The following NAALADL2 variants were observed in gnomAD, a reference collection of about 807,000 sequenced individuals.
The protein encoded by NAALADL2 is N-acetylated alpha-linked acidic dipeptidase like 2.
In NAALADL2, 76 loss-of-function variants were observed where a neutral mutation model predicts 87.2. The ratio of observed to expected loss-of-function variants is 0.87; its 90% CI spans 0.72 to 1.05. The LOEUF (loss-of-function observed/expected upper bound fraction) is 1.05, where lower values mean the gene tolerates loss of function less well. NAALADL2 is among the 50% of genes least tolerant of loss of function. The probability of loss-of-function intolerance (pLI) is 0.00; values close to 1 mark genes in which losing one functional copy is unlikely to be tolerated. For missense variants in NAALADL2, 1,089 were observed against 945.8 expected (o/e 1.15, Z -1.99); for synonymous variants, 354 against 331.0 (o/e 1.07, Z -0.75).
intron 3 of NAALADL2, among the ~76,000 whole-genome samples, chr3:174,762,934 A>G (rs1282241705): frequency 1.3e-5 from 2 of 152,194 alleles, no homozygotes; most frequent in Non-Finnish European, 2.9e-5. Flanking sequence ...ATAATTTACA[A>G]CATAATATGT....
chr3:175,188,873 A>G (rs1737736533), intron 2 of NAALADL2, among the ~76,000 whole-genome samples: 1 of 151,860 alleles, frequency 6.6e-6, no homozygotes, highest in African/African-American at 2.4e-5. Flanking sequence ...AACTGTAGCT[A>G]TGCCCTGATC....
intron 1 of NAALADL2, among the ~76,000 whole-genome samples, chr3:175,083,898 G>A (rs891867952): frequency 6.6e-6 from 1 of 152,074 alleles, no homozygotes; most frequent in Non-Finnish European, 1.5e-5. Context: ...CAGATACAGC[G>A]CTAAGCTTCA....
At chr3:175,648,949 T>A (rs944074768) in intron 11 of NAALADL2, among the ~76,000 whole-genome samples, 2 of 152,156 alleles carry the variant, frequency 1.3e-5, no homozygotes, top group African/African-American at 4.8e-5. Flanking sequence ...AAATAAAAAA[T>A]TAAGTGTTTT....
At chr3:175,681,166 T>G (rs2149881963) in intron 11 of NAALADL2, among the ~76,000 whole-genome samples, 1 of 152,292 alleles carries the variant, frequency 6.6e-6, no homozygotes, top group East Asian at 1.9e-4. Flanking sequence ...CTAAATTTAT[T>G]TTTCATTCTC....
chr3:175,294,956 T>C (rs1756129040), intron 4 of NAALADL2, among the ~76,000 whole-genome samples: 2 of 152,180 alleles, frequency 1.3e-5, no homozygotes, highest in African/African-American at 4.8e-5. Flanking sequence ...TGTGACTGAG[T>C]AGAAGTGAGA....
At chr3:174,607,663 A>T (rs1421776876) in intron 2 of NAALADL2, among the ~76,000 whole-genome samples, 1 of 152,152 alleles carries the variant, frequency 6.6e-6, no homozygotes, top group African/African-American at 2.4e-5. Flanking sequence ...CCAGATTCAT[A>T]AGGAAGTCCT....
At chr3:175,507,650 C>T (rs1204914149) in intron 9 of NAALADL2, among the ~76,000 whole-genome samples, 4 of 152,138 alleles carry the variant, frequency 2.6e-5, no homozygotes, top group Admixed American at 1.3e-4. Flanking sequence ...TCTTGAACTC[C>T]TGACCTCAGG....
At chr3:174,797,497 A>G (rs569181492) in intron 3 of NAALADL2, among the ~76,000 whole-genome samples, 7 of 150,938 alleles carry the variant, frequency 4.6e-5, no homozygotes, top group Non-Finnish European at 7.4e-5. Flanking sequence ...TTTTCTTTTT[A>G]GGAGAGACAG....
chr3:175,420,751 T>C (rs989696335), intron 5 of NAALADL2, among the ~76,000 whole-genome samples: 13 of 152,036 alleles, frequency 8.6e-5, no homozygotes, highest in African/African-American at 2.9e-4. Flanking sequence ...TCTCTTAAAA[T>C]TCCTTTAGAT....
intron 9 of NAALADL2, among the ~76,000 whole-genome samples, chr3:175,488,101 G>GA (rs1417234838): frequency 3.3e-5 from 5 of 152,278 alleles, no homozygotes; most frequent in African/African-American, 1.2e-4. Flanking sequence ...TCTCTTGTCA[G>GA]AAAAAACATT....
At chr3:174,443,327 A>C (rs1012422304) in intron 1 of NAALADL2, among the ~76,000 whole-genome samples, 1 of 152,180 alleles carries the variant, frequency 6.6e-6, no homozygotes, top group Non-Finnish European at 1.5e-5. Context: ...CTGTATATAT[A>C]TTTTGAGGGT....
intron 11 of NAALADL2, among the ~76,000 whole-genome samples, chr3:175,629,187 A>G (rs1445299131): frequency 6.8e-6 from 1 of 147,352 alleles, no homozygotes; most frequent in Non-Finnish European, 1.5e-5. Context: ...ATACACACAT[A>G]AAAACATGCA....
rs1465716397 is a variant in NAALADL2 at position 175,192,980 on chromosome 3, G to A, written c.546-40951G>A. ...CTTTTTTTTTTCAGATACAAAATGA[G>A]GCTAAAATAGACCAAGAGACTTTTT... On this transcript the variant is annotated intron_variant, in intron 2 of 13. Coordinates refer to ENST00000454872, the MANE Select transcript of NAALADL2 (RefSeq NM_207015.3). Among the ~76,000 whole-genome samples, 8 of 151,504 alleles carry A rather than the reference G, an allele frequency of 5.3e-5. No individual in the cohort carries two copies. The South Asian group carries it at 1.0e-3, about 20-fold the overall frequency.
At chr3:174,796,997 A>G (rs1018504380) in intron 3 of NAALADL2, among the ~76,000 whole-genome samples, 2 of 152,114 alleles carry the variant, frequency 1.3e-5, no homozygotes, top group Non-Finnish European at 2.9e-5. Context: ...GTTGTTGCTT[A>G]TGCTTTTGAA....
chr3:175,575,998 G>T, intron 9 of NAALADL2, 43 bp from the exon 10 acceptor site: 1 of 1,529,510 alleles, frequency 6.5e-7, no homozygotes, highest in East Asian at 2.3e-5. Context: ...GGGATGACCT[G>T]GGAAGCATAG....
At position 174,994,601 on chromosome 3, in the gene NAALADL2, T is replaced by C. The variant is rs144398676; in HGVS notation, c.44-102189T>C. Among the ~76,000 whole-genome samples the C allele has an allele frequency of 9.0e-3, 1,370 of 152,214 alleles. 24 individuals are homozygous for C. The highest frequency in any genetic ancestry group is 0.011 in the Non-Finnish European group (750 of 67,998). Reference sequence around the variant, plus strand: ...TCTACAAATTAAACTCTTTTATTCTTTTAGCGGTCAACAAAACAGAGTGTA... The same window carrying C: ...TCTACAAATTAAACTCTTTTATTCTCTTAGCGGTCAACAAAACAGAGTGTA... On this transcript the variant is annotated intron_variant, in intron 1 of 13. Transcript: ENST00000454872.
At chr3:175,386,579 C>G (rs947646706) in intron 5 of NAALADL2, among the ~76,000 whole-genome samples, 5 of 151,842 alleles carry the variant, frequency 3.3e-5, no homozygotes, top group African/African-American at 1.2e-4. Flanking sequence ...AGTAGTCCAC[C>G]CTTATCCCCA....
At chr3:175,132,076 C>T (rs1341891872) in intron 2 of NAALADL2, among the ~76,000 whole-genome samples, 6 of 131,072 alleles carry the variant, frequency 4.6e-5, no homozygotes, top group African/African-American at 1.5e-4. Context: ...GGCGGCTGGC[C>T]AGGCGGGGGG....
intron 2 of NAALADL2, among the ~76,000 whole-genome samples, chr3:175,158,757 T>C (rs1247577413): frequency 6.6e-6 from 1 of 152,144 alleles, no homozygotes; most frequent in South Asian, 2.1e-4. Context: ...GAATTTCTAA[T>C]TGAAAATTAG....
Sources: allele counts gnomAD v4.1 joint callset (sites outside exome capture counted in the v4.1 genomes callset), GRCh38; gene constraint gnomAD v4.1.1; transcripts MANE v1.5; gene names NCBI Gene and HGNC (gene_info 2026-07-23, HGNC 2026-07-21).